The following ATP5PO variants were observed in gnomAD, a reference collection of about 807,000 sequenced individuals.
The protein encoded by ATP5PO is ATP synthase peripheral stalk subunit OSCP, mitochondrial.
A neutral mutation model predicts 26.2 loss-of-function variants in ATP5PO; 14 were observed. The ratio of observed to expected loss-of-function variants is 0.53; its 90% CI spans 0.35 to 0.83. The LOEUF is 0.83. Ranked by LOEUF, ATP5PO falls within the 40% of genes least tolerant of loss-of-function variation. The pLI, the probability that ATP5PO is intolerant of heterozygous loss-of-function variation, is 0.01. For missense variants in ATP5PO, 241 were observed against 258.5 expected, an observed-to-expected ratio of 0.93 and a Z score of 0.46; for synonymous variants, 106 against 95.1, an observed-to-expected ratio of 1.12 and a Z score of -0.67.
intron 3 of ATP5PO, among the ~76,000 whole-genome samples, chr21:33,911,664 T>G (rs1397695357): frequency 8.9e-6 from 1 of 112,020 alleles, no homozygotes; most frequent in Non-Finnish European, 1.7e-5. Flanking sequence ...AAGCATAGGT[T>G]TTTTTTTTTT....
intron 1 of ATP5PO, chr21:33,914,933 A>G (rs1987294946): frequency 2.5e-5 from 4 of 158,112 alleles, no homozygotes. Flanking sequence ...ACTGCCGCAG[A>G]GTTTGATCTG....
At chr21:33,905,663 A>G (rs1460922392) in intron 5 of ATP5PO, among the ~76,000 whole-genome samples, 3 of 152,208 alleles carry the variant, frequency 2.0e-5, no homozygotes, top group Admixed American at 2.0e-4. Flanking sequence ...CTGTGGTCCC[A>G]GCACATTGGG....
At chr21:33,911,509 A>C (rs1987246235) in intron 3 of ATP5PO, among the ~76,000 whole-genome samples, 1 of 152,208 alleles carries the variant, frequency 6.6e-6, no homozygotes, top group African/African-American at 2.4e-5. Context: ...CATCTCTACC[A>C]AATGAAAACA....
rs138946175 is a variant in ATP5PO at position 33,914,614 on chromosome 21, T to C, written c.37-114A>G. On this transcript the variant is annotated intron_variant, in intron 1 of 6. Transcript: ENST00000290299. ...CCTTAAAATCATTACTTTTGTCTCTTTGTATATTCACATATTACATGAGGG... is the reference window on the plus strand; with the variant it reads ...CCTTAAAATCATTACTTTTGTCTCTCTGTATATTCACATATTACATGAGGG... 2.1e-5 allele frequency: 21 copies of C among 980,950 alleles called. No homozygotes were observed. In the South Asian group the frequency reaches 2.6e-4, roughly 12 times the overall value. 60.8% of individuals were successfully genotyped at this position (980,950 alleles called of 1,614,324 possible). A position where few individuals can be genotyped will look rare whatever the true frequency, so the allele number is the denominator to read the frequency against.
At chr21:33,907,516 T>C in intron 4 of ATP5PO, 63 bp from the exon 5 acceptor site, 1 of 1,422,152 alleles carries the variant, frequency 7.0e-7, no homozygotes, top group Non-Finnish European at 9.9e-7. Flanking sequence ...CATGAAGTTG[T>C]ATACTCAACC....
At position 33,903,537 on chromosome 21, in the gene ATP5PO, C is replaced by T. The variant is rs1202458197; in HGVS notation, c.631G>A (p.Glu211Lys). 1 of 1,612,804 alleles carries T rather than the reference C, an allele frequency of 6.2e-7. No individual in the cohort carries two copies. Among genetic ancestry groups the T allele is most frequent in the Admixed American group, 1.7e-5 (1 of 59,592 alleles). Residue 211 changes from glutamate (E) to lysine (K), a missense_variant, in exon 7 of 7, where the codon GAG becomes AAG. This residue lies in a region of ATP5PO where 77 missense variants were observed against 74.5 expected (regional missense o/e 1.03). Coordinates refer to ENST00000290299, the MANE Select transcript of ATP5PO (RefSeq NM_001697.3). The stretch of plus-strand genomic sequence containing the variant: ...GAAAACCAACACTTTTAGACAATCT[C>T]CCGCATAGCCCTGCCCAGCTTCTGA... ...KIQKLGRAMR[E>K]IV
In ATP5PO at chr21:33,903,935, C is replaced by T. The variant is rs1987135421; in HGVS notation, c.528G>A (p.Lys176=). Residue 176 remains lysine, a splice_region_variant and synonymous_variant, in exon 6 of 7, where the codon AAG becomes AAA. Transcript: ENST00000290299. ...SQGQVLKLEA[K]TDPSILGGMI... ...GTACCATAAATAATTTAAAACCTAC[C>T]TTAGCCTCCAATTTCAATACTTGGC... is the stretch of plus-strand genomic sequence containing the variant. 3.7e-6 allele frequency: 6 copies of T among 1,606,190 alleles called. No individual in the cohort carries two copies. The highest frequency in any genetic ancestry group is 5.1e-6 in the Non-Finnish European group (6 of 1,175,316).
At chr21:33,914,754 C>T in intron 1 of ATP5PO, 1 of 453,884 alleles carries the variant, frequency 2.2e-6, no homozygotes, top group Non-Finnish European at 3.9e-6. Context: ...CCGAGGCTAG[C>T]ATACCCGTAA....
At chr21:33,903,764 C>T (rs1382501177) in intron 6 of ATP5PO, 125 bp from the exon 7 acceptor site, 1 of 1,175,054 alleles carries the variant, frequency 8.5e-7, no homozygotes, top group African/African-American at 1.6e-5. Flanking sequence ...TAGAAAAAGG[C>T]AAAAGTAAAA....
intron 3 of ATP5PO, among the ~76,000 whole-genome samples, chr21:33,911,138 G>A (rs1244304235): frequency 2.0e-5 from 3 of 152,148 alleles, no homozygotes; most frequent in South Asian, 2.1e-4. Context: ...CAGTGGTGGC[G>A]CTAGAAAATC....
chr21:33,915,447 G>A, intron 1 of ATP5PO: 2 of 503,066 alleles, frequency 4.0e-6, no homozygotes, highest in South Asian at 2.7e-5. Flanking sequence ...TTCAGCGAAG[G>A]GCAGACCCCC....
At chr21:33,906,579 T>C (rs889476089) in intron 5 of ATP5PO, 2 of 433,718 alleles carry the variant, frequency 4.6e-6, no homozygotes, top group Non-Finnish European at 9.2e-6. Context: ...ACCCAGCATA[T>C]AGTAGGGTTC....
chr21:33,911,500 A>T (rs897775025), intron 3 of ATP5PO, among the ~76,000 whole-genome samples: 3 of 152,200 alleles, frequency 2.0e-5, no homozygotes, highest in African/African-American at 7.2e-5. Flanking sequence ...TTGCAAAGGC[A>T]TCTCTACCAA....
chr21:33,907,261 C>T, intron 5 of ATP5PO, 80 bp downstream of exon 5: 1 of 1,254,156 alleles, frequency 8.0e-7, no homozygotes, highest in Middle Eastern at 1.9e-4. Flanking sequence ...TTGATTTTAC[C>T]CTGTTTTTCC....
chr21:33,909,865 C>A (rs1987225884), intron 3 of ATP5PO, among the ~76,000 whole-genome samples: 1 of 152,170 alleles, frequency 6.6e-6, no homozygotes, highest in Non-Finnish European at 1.5e-5. Context: ...TCTAGCAGTG[C>A]TATTTCTAGA....
intron 5 of ATP5PO, among the ~76,000 whole-genome samples, chr21:33,904,382 A>G (rs1056642358): frequency 4.1e-5 from 6 of 146,754 alleles, no homozygotes; most frequent in Admixed American, 4.0e-4. Flanking sequence ...ATGCAGGAGG[A>G]CACAGGCCTC....
At chr21:33,913,611 C>G (rs1987276260) in intron 2 of ATP5PO, among the ~76,000 whole-genome samples, 1 of 152,066 alleles carries the variant, frequency 6.6e-6, no homozygotes, top group Non-Finnish European at 1.5e-5. Flanking sequence ...ACTAATAGTC[C>G]TCTTTATCCG....
At chr21:33,904,765 G>A (rs1217337746) in intron 5 of ATP5PO, among the ~76,000 whole-genome samples, 6 of 151,980 alleles carry the variant, frequency 3.9e-5, no homozygotes, top group South Asian at 2.1e-4. Flanking sequence ...TTTTGAGACC[G>A]AGTCTCGCTC....
chr21:33,913,065 C>A (rs1987269854), intron 2 of ATP5PO, among the ~76,000 whole-genome samples: 1 of 152,178 alleles, frequency 6.6e-6, no homozygotes, highest in Non-Finnish European at 1.5e-5. Flanking sequence ...GATTTAGTTC[C>A]AGTCCAGCTC....
Sources: allele counts gnomAD v4.1 joint callset (sites outside exome capture counted in the v4.1 genomes callset), GRCh38; gene constraint gnomAD v4.1.1; regional missense constraint gnomAD v4.1.1; transcripts MANE v1.5; gene names NCBI Gene and HGNC (gene_info 2026-07-23, HGNC 2026-07-21).